The following PREX2 variants were observed in gnomAD, a reference collection of about 807,000 sequenced individuals.
The protein encoded by PREX2 is phosphatidylinositol-3,4,5-trisphosphate dependent Rac exchange factor 2.
PREX2 carries 107 observed loss-of-function variants against 203.2 expected under a neutral mutation model. The observed-to-expected ratio is 0.53, with a 90% confidence interval of 0.45 to 0.62. PREX2 has a LOEUF of 0.62. Ranked by LOEUF, PREX2 falls within the 20% of genes least tolerant of loss-of-function variation. The pLI is 0.00. For synonymous variants in PREX2, 672 were observed against 663.6 expected (o/e 1.01, Z -0.19); for missense variants, 1,777 against 1,955.9 (o/e 0.91, Z 1.72).
chr8:68,062,899 T>C (rs1185697254), intron 11 of PREX2, among the ~76,000 whole-genome samples: 3 of 152,120 alleles, frequency 2.0e-5, no homozygotes, highest in Non-Finnish European at 4.4e-5. Flanking sequence ...AGAGCCTCAC[T>C]TGTTATTATA....
At chr8:68,044,625 T>A (rs957811488) in intron 8 of PREX2, 35 bp downstream of exon 8, 1 of 1,421,582 alleles carries the variant, frequency 7.0e-7, no homozygotes, top group Non-Finnish European at 9.9e-7. Context: ...GGGATGCCAA[T>A]AGTAAATAGA....
chr8:68,021,507 A>G (rs1485184868), intron 3 of PREX2, among the ~76,000 whole-genome samples: 1 of 152,144 alleles, frequency 6.6e-6, no homozygotes, highest in African/African-American at 2.4e-5. Flanking sequence ...ACAACTGTCT[A>G]GACTGGTGTA....
chr8:67,999,904 A>G (rs1298470416), intron 1 of PREX2, among the ~76,000 whole-genome samples: 1 of 152,248 alleles, frequency 6.6e-6, no homozygotes, highest in Admixed American at 6.5e-5. Context: ...GGCTTTTGAT[A>G]AAATTCAAGA....
chr8:68,118,802 G>C (rs752577622), intron 27 of PREX2, 158 bp downstream of exon 27: 1 of 754,064 alleles, frequency 1.3e-6, no homozygotes, highest in South Asian at 1.4e-5. Context: ...TTATGAGCTT[G>C]ATAGTCTATT....
chr8:67,985,684 G>A (rs562400129), intron 1 of PREX2, among the ~76,000 whole-genome samples: 7 of 152,296 alleles, frequency 4.6e-5, no homozygotes, highest in Non-Finnish European at 8.8e-5. Flanking sequence ...CAGGAGGGCC[G>A]CTGAGTACAG....
chr8:68,006,201 G>T (rs1807087784), intron 1 of PREX2, among the ~76,000 whole-genome samples: 1 of 152,136 alleles, frequency 6.6e-6, no homozygotes, highest in Admixed American at 6.6e-5. Flanking sequence ...GAGGGTAAGA[G>T]GAGCCTCCTC....
chr8:68,021,340 T>G (rs1346532091), intron 3 of PREX2, among the ~76,000 whole-genome samples: 1 of 152,228 alleles, frequency 6.6e-6, no homozygotes, highest in African/African-American at 2.4e-5. Flanking sequence ...CTTTACAACA[T>G]AACGCTGTTT....
chr8:68,016,063 C>T (rs1336560176), intron 1 of PREX2, among the ~76,000 whole-genome samples: 1 of 152,118 alleles, frequency 6.6e-6, no homozygotes, highest in Non-Finnish European at 1.5e-5. Context: ...ATGCTAGGAG[C>T]GAGATCTTGT....
intron 33 of PREX2, among the ~76,000 whole-genome samples, chr8:68,140,553 C>T (rs566305443): frequency 3.9e-4 from 60 of 152,272 alleles, no homozygotes; most frequent in African/African-American, 1.3e-3. Flanking sequence ...TCCTGTATCA[C>T]TGGGATGGAG....
rs1341222907 is a variant in PREX2, at chr8:68,234,402, T to G, written c.*3024T>G. The stretch of plus-strand genomic sequence containing the variant: ...AAGGGAAGGTCATGCATAGAAAGTT[T>G]GGATTTTAACTTAGAGCCTGACTCA... On this transcript the variant is annotated 3_prime_UTR_variant, in exon 40 of 40. Transcript: ENST00000288368. The G allele has an allele frequency of 2.0e-5, 3 of 152,174 alleles. No individual in the cohort carries two copies. Among genetic ancestry groups the G allele is most frequent in the Admixed American group, 6.5e-5 (1 of 15,270 alleles). 9.4% of individuals were successfully genotyped at this position (152,174 alleles called of 1,614,324 possible).
intron 30 of PREX2, among the ~76,000 whole-genome samples, chr8:68,121,458 A>T (rs900439297): frequency 1.3e-5 from 2 of 152,166 alleles, no homozygotes; most frequent in African/African-American, 4.8e-5. Context: ...CATAGGTTGC[A>T]TCATTGATTT....
intron 2 of PREX2, among the ~76,000 whole-genome samples, chr8:68,018,206 G>A (rs958252530): frequency 4.7e-5 from 7 of 148,798 alleles, no homozygotes; most frequent in African/African-American, 1.7e-4. Context: ...GGTGGCTTAT[G>A]CCTGTAATCC....
intron 6 of PREX2, among the ~76,000 whole-genome samples, chr8:68,031,636 G>A (rs192475685): frequency 2.6e-5 from 4 of 152,306 alleles, no homozygotes; most frequent in Admixed American, 2.6e-4. Context: ...AATGCTAACT[G>A]GGGTTGACCT....
intron 34 of PREX2, among the ~76,000 whole-genome samples, chr8:68,153,369 C>T (rs1044590694): frequency 2.6e-5 from 4 of 152,194 alleles, no homozygotes; most frequent in Non-Finnish European, 2.9e-5. Context: ...AAATGTAGCC[C>T]GCTTCAGTCT....
chr8:68,207,911 A>G (rs1473554280), intron 37 of PREX2, among the ~76,000 whole-genome samples: 1 of 152,056 alleles, frequency 6.6e-6, no homozygotes, highest in African/African-American at 2.4e-5. Context: ...AGATCATACA[A>G]ATATGGGAAC....
chr8:68,163,154 T>C (rs1455098178), intron 35 of PREX2, among the ~76,000 whole-genome samples: 1 of 152,178 alleles, frequency 6.6e-6, no homozygotes, highest in African/African-American at 2.4e-5. Flanking sequence ...AAAAAAAAGA[T>C]GTGTACACAT....
At chr8:68,146,436 G>T in intron 34 of PREX2, 84 bp downstream of exon 34, 1 of 1,212,558 alleles carries the variant, frequency 8.2e-7, no homozygotes, top group Non-Finnish European at 1.1e-6. Flanking sequence ...TTTAACAGTT[G>T]GGATTTTTAA....
intron 22 of PREX2, among the ~76,000 whole-genome samples, chr8:68,098,938 G>GTGTATATATATA (rs1352978343): frequency 1.8e-5 from 2 of 109,808 alleles, no homozygotes; most frequent in Middle Eastern, 5.4e-3. Flanking sequence ...ATATATATGT[G>GTGTATATATATA]TATATATATA....
chr8:68,222,809 T>A (rs965137076), intron 38 of PREX2, among the ~76,000 whole-genome samples: 2 of 151,914 alleles, frequency 1.3e-5, no homozygotes, highest in South Asian at 2.1e-4. Flanking sequence ...TATGCCAATA[T>A]CCTGTATCCC....
Sources: gnomAD v4.1 joint callset for allele counts (sites outside exome capture counted in the v4.1 genomes callset) on GRCh38, gnomAD v4.1.1 for gene constraint, MANE v1.5 for transcripts, NCBI Gene and HGNC (gene_info 2026-07-23, HGNC 2026-07-21) for gene names.